The following VPS54 variants were observed in gnomAD, a reference collection of about 807,000 sequenced individuals.
VPS54 encodes vacuolar protein sorting-associated protein 54.
A neutral mutation model predicts 121.5 loss-of-function variants in VPS54; 45 were observed. The ratio of observed to expected loss-of-function variants is 0.37; its 90% confidence interval spans 0.29 to 0.47. The LOEUF is 0.47. VPS54 is among the 20% of genes least tolerant of loss of function. The pLI, the probability that VPS54 is intolerant of heterozygous loss-of-function variation, is 0.99. For missense variants in VPS54, 1,090 were observed against 1,131.4 expected (o/e 0.96, Z 0.52); for synonymous variants, 371 against 385.8 (o/e 0.96, Z 0.45).
At chr2:63,915,180 T>C (rs1276699379) in intron 16 of VPS54, among the ~76,000 whole-genome samples, 1 of 127,246 alleles carries the variant, frequency 7.9e-6, no homozygotes, top group African/African-American at 3.3e-5. Context: ...AAAAAAAAAG[T>C]TTTCCGAAGA....
At chr2:63,990,079 T>C (rs759851305) in intron 1 of VPS54, among the ~76,000 whole-genome samples, 1 of 152,186 alleles carries the variant, frequency 6.6e-6, no homozygotes, top group Non-Finnish European at 1.5e-5. Flanking sequence ...GTCGTCCTAA[T>C]GACATACCAA....
In VPS54 at chr2:63,962,233, T is replaced by A. The variant is rs759904962; in HGVS notation, c.835A>T (p.Thr279Ser). ...TATACTTTAACACAATTATTTCTGG[T>A]AAGTGCCAGTCTTAAAATGTGGAGT... ...GSLHILRLAL[T>S]RNNCVKVYNK... The change falls in exon 7 of 23, where the codon ACC (threonine) becomes TCC (serine). Residue 279 changes from threonine (T) to serine (S), a missense_variant. Transcript: ENST00000272322. 2.5e-6 allele frequency: 4 copies of A among 1,614,076 alleles called. No homozygotes were observed. The South Asian group carries it at 4.4e-5, about 18-fold the overall frequency.
In VPS54 at chr2:63,944,607, C is replaced by G. The variant is rs776872842; in HGVS notation, c.1294G>C (p.Val432Leu). 4.3e-6 allele frequency: 7 copies of G among 1,610,092 alleles called. No individual in the cohort carries two copies. In the South Asian group the frequency reaches 6.6e-5, roughly 15 times the overall value. The change falls in exon 10 of 23, where the codon GTT (valine) becomes CTT (leucine). Residue 432 changes from valine (V) to leucine (L), a missense_variant. Transcript: ENST00000272322. ...SQTEEIDTDV[V>L]VKLADQMRML... ...CTATATATTTATACTTACTTCACAA[C>G]AACATCTGTGTCTATTTCTTCTGTT...
At chr2:63,924,172 A>T (rs939543154) in intron 12 of VPS54, among the ~76,000 whole-genome samples, 2 of 152,160 alleles carry the variant, frequency 1.3e-5, no homozygotes, top group African/African-American at 4.8e-5. Flanking sequence ...AAAGGATCTC[A>T]AATGGTGTGG....
rs1026696996 is a variant in VPS54 at position 63,923,306 on chromosome 2, G to GA, written c.1740-1972dup. Among the ~76,000 whole-genome samples the GA allele has an allele frequency of 6.9e-4, 95 of 138,664 alleles. No individual in the cohort carries two copies. In the South Asian group the frequency reaches 9.5e-3, roughly 14 times the overall value. 91.0% of individuals were successfully genotyped at this position (138,664 alleles called of 152,430 possible). ...ACTCCAGCCTGGGCAAAGGAGTGAG[G>GA]AAAAAAAAAAAGAAAAAAAAATTAT... On this transcript the variant is annotated intron_variant, in intron 12 of 22. Coordinates refer to ENST00000272322, the MANE Select transcript of VPS54 (RefSeq NM_016516.3).
At chr2:63,971,071 C>T (rs1354900725) in intron 4 of VPS54, among the ~76,000 whole-genome samples, 1 of 152,134 alleles carries the variant, frequency 6.6e-6, no homozygotes, top group African/African-American at 2.4e-5. Flanking sequence ...TGCACTGTCA[C>T]CCACCCAGTT....
At chr2:63,979,043 T>C (rs1292730411) in intron 3 of VPS54, among the ~76,000 whole-genome samples, 2 of 152,242 alleles carry the variant, frequency 1.3e-5, no homozygotes, top group African/African-American at 2.4e-5. Flanking sequence ...ATTAGGCTTT[T>C]AATCTCTGTA....
intron 4 of VPS54, among the ~76,000 whole-genome samples, chr2:63,969,838 T>A (rs1057320335): frequency 5.9e-5 from 9 of 152,178 alleles, no homozygotes; most frequent in Non-Finnish European, 1.3e-4. Context: ...AAAAATGAAT[T>A]AAATTCTAAA....
At chr2:63,918,649 A>G (rs1673494438) in intron 15 of VPS54, among the ~76,000 whole-genome samples, 1 of 151,990 alleles carries the variant, frequency 6.6e-6, no homozygotes, top group Admixed American at 6.6e-5. Flanking sequence ...ATATCAACTC[A>G]TCTATTTTAT....
intron 5 of VPS54, among the ~76,000 whole-genome samples, chr2:63,967,698 G>C (rs554970731): frequency 3.0e-5 from 2 of 66,122 alleles, no homozygotes; most frequent in Non-Finnish European, 6.5e-5. Context: ...CAGCCTGGGC[G>C]ACAGAGAGAG....
intron 5 of VPS54, among the ~76,000 whole-genome samples, chr2:63,968,709 A>G (rs1676127933): frequency 6.6e-6 from 1 of 152,112 alleles, no homozygotes; most frequent in Admixed American, 6.6e-5. Flanking sequence ...ACGGGGCAAG[A>G]TTCTGTCTAA....
chr2:63,970,702 A>G (rs1465305595), intron 4 of VPS54, among the ~76,000 whole-genome samples: 2 of 151,968 alleles, frequency 1.3e-5, no homozygotes, highest in African/African-American at 4.8e-5. Flanking sequence ...TTAAGGTGCA[A>G]TTCTCTCTTG....
intron 1 of VPS54, among the ~76,000 whole-genome samples, chr2:64,016,891 G>T (rs1415924593): frequency 1.3e-5 from 2 of 152,072 alleles, no homozygotes; most frequent in South Asian, 2.1e-4. Context: ...TTACAGGTGT[G>T]AGCCACTGAA....
chr2:63,975,286 G>A, intron 3 of VPS54: 1 of 361,746 alleles, frequency 2.8e-6, no homozygotes, highest in South Asian at 9.6e-5. Flanking sequence ...TTGGGCATAG[G>A]GTGAACTAAC....
chr2:63,925,696 G>A (rs755817357), intron 12 of VPS54, among the ~76,000 whole-genome samples: 1 of 152,202 alleles, frequency 6.6e-6, no homozygotes, highest in Non-Finnish European at 1.5e-5. Flanking sequence ...AACCTGGATA[G>A]ATATCACAAC....
intron 12 of VPS54, among the ~76,000 whole-genome samples, chr2:63,928,510 C>T (rs1674024741): frequency 9.2e-5 from 14 of 152,122 alleles, no homozygotes; most frequent in Admixed American, 8.5e-4. Flanking sequence ...CTGAAGGAAG[C>T]ACTAAACATG....
At chr2:63,984,056 A>G in intron 1 of VPS54, 37 bp from the exon 2 acceptor site, 1 of 1,495,872 alleles carries the variant, frequency 6.7e-7, no homozygotes, top group Non-Finnish European at 9.0e-7. Flanking sequence ...AAGACACCGC[A>G]AATCAAAATC....
At chr2:63,925,311 G>A (rs1673846210) in intron 12 of VPS54, among the ~76,000 whole-genome samples, 4 of 152,084 alleles carry the variant, frequency 2.6e-5, no homozygotes, top group Admixed American at 1.3e-4. Flanking sequence ...CAATCATCAG[G>A]GAAATAAAAT....
At chr2:63,920,203 TTGAG>T (rs1273768334) in intron 14 of VPS54, among the ~76,000 whole-genome samples, 3 of 152,194 alleles carry the variant, frequency 2.0e-5, no homozygotes, top group South Asian at 2.1e-4. Context: ...TTACTTAACT[TTGAG>T]TGGGAACAAA....
Sources: gnomAD v4.1 joint callset for allele counts (sites outside exome capture counted in the v4.1 genomes callset) on GRCh38, gnomAD v4.1.1 for gene constraint, MANE v1.5 for transcripts, NCBI Gene and HGNC (gene_info 2026-07-23, HGNC 2026-07-21) for gene names.